The following NRCAM variants were observed in gnomAD, a reference collection of about 807,000 sequenced individuals.
NRCAM encodes NgCAM-related cell adhesion molecule.
A neutral mutation model predicts 156.5 loss-of-function variants in NRCAM; 83 were observed. The ratio of observed to expected loss-of-function variants is 0.53; its 90% confidence interval spans 0.44 to 0.64. The LOEUF is 0.64. NRCAM is among the 30% of genes least tolerant of loss of function. The pLI is 0.00. For synonymous variants in NRCAM, 538 were observed against 563.9 expected, an observed-to-expected ratio of 0.95 and a Z score of 0.65; for missense variants, 1,417 against 1,597.3, an observed-to-expected ratio of 0.89 and a Z score of 1.92.
rs527401613 is a variant in NRCAM, at chr7:108,280,773, T to C, written c.-107+31892A>G. Among the ~76,000 whole-genome samples the C allele has an allele frequency of 7.2e-5, 11 of 152,320 alleles. No individual in the cohort carries two copies. The East Asian group carries it at 2.1e-3, about 29-fold the overall frequency. On this transcript the variant is annotated intron_variant, in intron 3 of 32. Transcript: ENST00000379028. Reference sequence around the variant, plus strand: ...AAAGAAGACACAAATGCCACCTTAATATGATTTCTTAAATATATAATAAGC... The same window carrying C: ...AAAGAAGACACAAATGCCACCTTAACATGATTTCTTAAATATATAATAAGC...
At position 108,335,391 on chromosome 7, in the gene NRCAM, TC is replaced by T. The variant is rs745582382; in HGVS notation, c.-173-22661del. 9.4e-5 allele frequency among the ~76,000 whole-genome samples: 14 copies of T among 148,746 alleles called. No individual in the cohort carries two copies. In the East Asian group the frequency reaches 2.6e-3, roughly 28 times the overall value. Reference sequence around the variant, plus strand: ...AGAGAGTGGAAACTTCCCTTCCAATTCCTCACCTGGCTGGTTCATGTCCTGT... The same window carrying T: ...AGAGAGTGGAAACTTCCCTTCCAATTCTCACCTGGCTGGTTCATGTCCTGT... On this transcript the variant is annotated intron_variant, in intron 2 of 32. Transcript: ENST00000379028.
At chr7:108,409,916 TTTC>T (rs1223975965) in intron 1 of NRCAM, among the ~76,000 whole-genome samples, 55 of 152,328 alleles carry the variant, frequency 3.6e-4, no homozygotes, top group Middle Eastern at 6.8e-3. Context: ...ATATTATATC[TTTC>T]TTTTTAAAAG....
intron 2 of NRCAM, among the ~76,000 whole-genome samples, chr7:108,358,191 C>G (rs112317119): frequency 0.028 from 4,173 of 148,688 alleles, 103 homozygotes; most frequent in Admixed American, 0.049. Context: ...GAGGATCACT[C>G]GAGCCCAGGA....
chr7:108,222,501 T>C (rs1161666140), intron 11 of NRCAM, among the ~76,000 whole-genome samples: 2 of 152,206 alleles, frequency 1.3e-5, no homozygotes, highest in East Asian at 3.8e-4. Flanking sequence ...GGTTGGAGGC[T>C]GGCAGACTAT....
intron 2 of NRCAM, among the ~76,000 whole-genome samples, chr7:108,338,647 G>A (rs7807783): frequency 0.29 from 43,666 of 151,586 alleles, 6,775 homozygotes; most frequent in East Asian, 0.56. Flanking sequence ...ACACAGAGAG[G>A]AGAAAGAGGC....
intron 2 of NRCAM, among the ~76,000 whole-genome samples, chr7:108,361,099 A>C (rs1329550043): frequency 6.6e-6 from 1 of 152,232 alleles, no homozygotes; most frequent in Non-Finnish European, 1.5e-5. Context: ...GACCTCACAA[A>C]ATAATATACA....
chr7:108,415,119 C>A (rs1435207158), intron 1 of NRCAM, among the ~76,000 whole-genome samples: 1 of 152,228 alleles, frequency 6.6e-6, no homozygotes, highest in Admixed American at 6.5e-5. Flanking sequence ...CTCCATCACA[C>A]CTGTGAGCCA....
Position 108,227,924 on chromosome 7 carries a change from A to G in NRCAM, c.551-1546T>C, listed in dbSNP as rs142729445. On this transcript the variant is annotated intron_variant, in intron 8 of 32. Transcript: ENST00000379028. ...GGAGGCAGAGCTTCAAAGAAAGAAC[A>G]TCGGTTCATCATGTTAATCAAATTA... is the stretch of plus-strand genomic sequence containing the variant. 6.6e-3 allele frequency among the ~76,000 whole-genome samples: 1,010 copies of G among 152,320 alleles called. 15 individuals carry two copies. Among genetic ancestry groups the G allele is most frequent in the African/African-American group, 0.023 (954 of 41,566 alleles).
In NRCAM at chr7:108,184,565, G is replaced by A; in HGVS notation, c.2085C>T (p.His695=). ...EDAMHKPGLW[H]HQTEVSGTQT... ...GTGTTCCAGAAACTTCAGTTTGGTG[G>A]TGCCACAGCCCTGGCTTGTGCATTG... The change falls in exon 21 of 33, where the codon CAC becomes CAT. Residue 695 remains histidine (H), a synonymous_variant. Coordinates refer to ENST00000379028, the MANE Select transcript of NRCAM (RefSeq NM_001037132.4). 1 of 1,613,822 alleles carries A rather than the reference G, an allele frequency of 6.2e-7. No homozygotes were observed. Among genetic ancestry groups the A allele is most frequent in the Non-Finnish European group, 8.5e-7 (1 of 1,180,032 alleles).
At chr7:108,170,691 G>A (rs2057961591) in intron 28 of NRCAM, among the ~76,000 whole-genome samples, 3 of 152,184 alleles carry the variant, frequency 2.0e-5, no homozygotes, top group African/African-American at 7.2e-5. Flanking sequence ...AGGGTCTCCT[G>A]AGCTATGGGT....
chr7:108,414,720 GA>G (rs1268242410), intron 1 of NRCAM, among the ~76,000 whole-genome samples: 7 of 152,176 alleles, frequency 4.6e-5, no homozygotes, highest in African/African-American at 7.2e-5. Context: ...CAGAGAAGAG[GA>G]AAACCATCAG....
rs147222931 is a variant in NRCAM, at chr7:108,234,349, T to C, written c.230+234A>G. ...AACAATACACCTACAGGTGAGACTT[T>C]AGGGATATGCAGGACCCAAGAAGTT... On this transcript the variant is annotated intron_variant, in intron 6 of 32. Transcript: ENST00000379028. 3.8e-3 allele frequency among the ~76,000 whole-genome samples: 576 copies of C among 152,240 alleles called. 2 individuals carry two copies. The highest frequency in any genetic ancestry group is 0.013 in the African/African-American group (548 of 41,542).
In NRCAM at chr7:108,268,144, A is replaced by C. The variant is rs73416322; in HGVS notation, c.-106-27974T>G. Among the ~76,000 whole-genome samples, 1,336 of 152,364 alleles carry C rather than the reference A, an allele frequency of 8.8e-3. 26 individuals carry two copies. The highest frequency in any genetic ancestry group is 0.031 in the African/African-American group (1,276 of 41,586). Reference sequence around the variant, plus strand: ...CACAACATTCTTGCCATAAGAGATAAAAAGACTATATTCTCTTCAAAAAAG... The same window carrying C: ...CACAACATTCTTGCCATAAGAGATACAAAGACTATATTCTCTTCAAAAAAG... On this transcript the variant is annotated intron_variant, in intron 3 of 32. Transcript: ENST00000379028.
intron 20 of NRCAM, among the ~76,000 whole-genome samples, chr7:108,186,147 A>C (rs1051423833): frequency 1.3e-5 from 2 of 152,240 alleles, no homozygotes; most frequent in Admixed American, 1.3e-4. Flanking sequence ...CACAAAGATG[A>C]ACTAAAAATA....
intron 30 of NRCAM, among the ~76,000 whole-genome samples, chr7:108,164,794 T>G (rs1299812218): frequency 6.6e-6 from 1 of 152,232 alleles, no homozygotes; most frequent in African/African-American, 2.4e-5. Context: ...TACATTTATA[T>G]GTAAAAAGTG....
intron 3 of NRCAM, among the ~76,000 whole-genome samples, chr7:108,262,092 C>T (rs1326235463): frequency 1.3e-5 from 2 of 152,110 alleles, no homozygotes; most frequent in African/African-American, 4.8e-5. Context: ...AAACAAGCTA[C>T]TTATGCACAA....
At position 108,148,016 on chromosome 7, in the gene NRCAM, G is replaced by T. The variant is rs953378395; in HGVS notation, c.*1894C>A. The T allele has an allele frequency of 2.0e-5, 3 of 152,610 alleles. No individual in the cohort carries two copies. The highest frequency in any genetic ancestry group is 7.2e-5 in the African/African-American group (3 of 41,446). The allele number at this position is 152,610 out of a possible 1,614,324, so 9.5% of individuals were successfully genotyped here. On this transcript the variant is annotated 3_prime_UTR_variant, in exon 33 of 33. Transcript: ENST00000379028. Reference sequence around the variant, plus strand: ...AGAGACAGGTGGATCTGTGAAAAATGAATATAGAGACATGAAAGTATTTAG... The same window carrying T: ...AGAGACAGGTGGATCTGTGAAAAATTAATATAGAGACATGAAAGTATTTAG...
chr7:108,171,935 T>C (rs2058595330), intron 28 of NRCAM, among the ~76,000 whole-genome samples: 1 of 152,218 alleles, frequency 6.6e-6, no homozygotes, highest in Non-Finnish European at 1.5e-5. Context: ...TAAAATAATG[T>C]AGTGAGAGTC....
chr7:108,306,432 C>T (rs2098715768), intron 3 of NRCAM, among the ~76,000 whole-genome samples: 1 of 152,172 alleles, frequency 6.6e-6, no homozygotes, highest in Non-Finnish European at 1.5e-5. Flanking sequence ...CCTCAAGGCA[C>T]AGCAGGCAAT....
Sources: gnomAD v4.1 joint callset for allele counts (sites outside exome capture counted in the v4.1 genomes callset) on GRCh38, gnomAD v4.1.1 for gene constraint, MANE v1.5 for transcripts, NCBI Gene and HGNC (gene_info 2026-07-23, HGNC 2026-07-21) for gene names.